Variants in UBE2D3 observed in about 807,000 individuals in gnomAD.
UBE2D3 encodes ubiquitin conjugating enzyme E2 D3.
A neutral mutation model predicts 22.8 loss-of-function variants in UBE2D3; 2 were observed. That is an observed-to-expected ratio of 0.09 (90% CI 0.04 to 0.28). The LOEUF is 0.28. Ranked by LOEUF, UBE2D3 falls within the 10% of genes least tolerant of loss-of-function variation. The probability of loss-of-function intolerance (pLI) is 1.00; values close to 1 mark genes in which losing one functional copy is unlikely to be tolerated. For missense variants in UBE2D3, 27 were observed against 182.5 expected, an observed-to-expected ratio of 0.15 and a Z score of 4.91; for synonymous variants, 56 against 60.4, an observed-to-expected ratio of 0.93 and a Z score of 0.34.
chr4:102,860,138 C>T (rs932803210), intron 1 of UBE2D3, among the ~76,000 whole-genome samples: 6 of 148,174 alleles, frequency 4.0e-5, no homozygotes, highest in South Asian at 2.1e-4. Context: ...TGAGCCACCG[C>T]GCCCAGCCAG....
At chr4:102,866,255 A>C (rs1300594361) in intron 1 of UBE2D3, among the ~76,000 whole-genome samples, 1 of 152,214 alleles carries the variant, frequency 6.6e-6, no homozygotes, top group Non-Finnish European at 1.5e-5. Context: ...AAGGCCTCCC[A>C]AAAAAGTTTT....
chr4:102,860,316 C>T (rs1732825856), intron 1 of UBE2D3, among the ~76,000 whole-genome samples: 1 of 149,334 alleles, frequency 6.7e-6, no homozygotes, highest in Non-Finnish European at 1.5e-5. Flanking sequence ...TTAATTTGTT[C>T]CTTTGGTTGT....
chr4:102,829,204 T>G (rs969938401), upstream of UBE2D3, among the ~76,000 whole-genome samples: 9 of 152,154 alleles, frequency 5.9e-5, no homozygotes, highest in Non-Finnish European at 8.8e-5. Context: ...AGAGCCTACA[T>G]TTCTAACTAG....
At chr4:102,843,295 G>A (rs1325253430) in intron 1 of UBE2D3, 1 of 151,314 alleles carries the variant, frequency 6.6e-6, no homozygotes, top group Non-Finnish European at 1.5e-5. Flanking sequence ...CCATGATTTT[G>A]TTTCATTTTT....
intron 4 of UBE2D3, chr4:102,809,211 TA>T: frequency 6.9e-6 from 2 of 289,418 alleles, no homozygotes; most frequent in South Asian, 2.7e-5. Flanking sequence ...ACTTTCTGCC[TA>T]AATATATTCA....
intron 2 of UBE2D3, among the ~76,000 whole-genome samples, chr4:102,822,849 T>C (rs907416823): frequency 3.4e-5 from 5 of 148,984 alleles, no homozygotes; most frequent in African/African-American, 5.0e-5. Context: ...GGCAGGAGAA[T>C]GGCGTGAACC....
intron 2 of UBE2D3, among the ~76,000 whole-genome samples, chr4:102,822,634 T>A (rs1035939776): frequency 6.6e-6 from 1 of 152,162 alleles, no homozygotes; most frequent in African/African-American, 2.4e-5. Context: ...ACATACATTA[T>A]AAAACAGGAA....
In UBE2D3 at chr4:102,853,141, T is replaced by C. The variant is rs1476437131; in HGVS notation, c.-129+15574A>G. Among the ~76,000 whole-genome samples, 14 of 113,210 alleles carry C rather than the reference T, an allele frequency of 1.2e-4. 1 individual carries two copies. In the East Asian group the frequency reaches 1.2e-3, roughly 10 times the overall value. 74.3% of individuals were successfully genotyped at this position (113,210 alleles called of 152,430 possible). On this transcript the variant is annotated intron_variant, in intron 1 of 7. Coordinates refer to the UBE2D3 transcript ENST00000338145. Reference sequence around the variant, plus strand: ...ATTACACACAAACACACACATTTTTTTTTTTTTTTTTTTTTTTTTGAGACG... The same window carrying C: ...ATTACACACAAACACACACATTTTTCTTTTTTTTTTTTTTTTTTTGAGACG...
rs1040758163 is a variant in UBE2D3 at position 102,796,500 on chromosome 4, A to G, written c.*915T>C. 6.6e-6 allele frequency: 1 copy of G among 152,520 alleles called. No homozygotes were observed. Among genetic ancestry groups the G allele is most frequent in the African/African-American group, 2.4e-5 (1 of 41,452 alleles). The allele number at this position is 152,520 out of a possible 1,614,324, so 9.4% of individuals were successfully genotyped here. On this transcript the variant is annotated 3_prime_UTR_variant, in exon 8 of 8. Transcript: ENST00000453744. Reference sequence around the variant, plus strand: ...TTACATCATCATTTGATGTCAAACAATGAAGCAAATCCCAACAGTATATAC... The same window carrying G: ...TTACATCATCATTTGATGTCAAACAGTGAAGCAAATCCCAACAGTATATAC...
At chr4:102,861,661 A>C (rs753293024) in intron 1 of UBE2D3, among the ~76,000 whole-genome samples, 1 of 152,014 alleles carries the variant, frequency 6.6e-6, no homozygotes, top group South Asian at 2.1e-4. Flanking sequence ...TATAGATTAC[A>C]GTAACCATGG....
chr4:102,848,892 G>T (rs1732186743), intron 1 of UBE2D3, among the ~76,000 whole-genome samples: 1 of 150,130 alleles, frequency 6.7e-6, no homozygotes, highest in African/African-American at 2.5e-5. Context: ...TAGGAACGAG[G>T]TTATTCCTCT....
intron 2 of UBE2D3, among the ~76,000 whole-genome samples, chr4:102,814,161 T>A (rs963290555): frequency 3.3e-5 from 5 of 152,094 alleles, no homozygotes; most frequent in Non-Finnish European, 7.3e-5. Context: ...ATATCGCAGT[T>A]CAACAATCTG....
upstream of UBE2D3, among the ~76,000 whole-genome samples, chr4:102,828,681 A>G (rs1329081595): frequency 1.3e-5 from 2 of 152,208 alleles, no homozygotes; most frequent in East Asian, 3.8e-4. Flanking sequence ...TGTTGAGACT[A>G]ATTAGTTAAT....
intron 2 of UBE2D3, among the ~76,000 whole-genome samples, chr4:102,815,839 A>T (rs1467239494): frequency 6.6e-6 from 1 of 152,254 alleles, no homozygotes; most frequent in Non-Finnish European, 1.5e-5. Context: ...TAAGTATTTT[A>T]ACAATCAAAA....
At chr4:102,827,640 A>G (rs223390), upstream of UBE2D3, 500,079 of 986,538 alleles carry the variant, frequency 0.51, 129,400 homozygotes, top group African/African-American at 0.78. Flanking sequence ...CCCGAGCACA[A>G]GACCGATGTG....
At chr4:102,841,017 TA>T (rs34074725) in intron 1 of UBE2D3, among the ~76,000 whole-genome samples, 2,503 of 140,276 alleles carry the variant, frequency 0.018, 24 homozygotes, top group South Asian at 0.024. Context: ...AAGACTCTTT[TA>T]AAAAAAAAAA....
intron 2 of UBE2D3, among the ~76,000 whole-genome samples, chr4:102,821,463 ACGTCTAATGCAG>A: frequency 6.6e-6 from 1 of 152,304 alleles, no homozygotes; most frequent in East Asian, 1.9e-4. Flanking sequence ...CTAGAATACT[ACGTCTAATGCAG>A]ATTAGGACCT....
At chr4:102,857,019 GCA>G (rs1732653148) in intron 1 of UBE2D3, among the ~76,000 whole-genome samples, 1 of 152,166 alleles carries the variant, frequency 6.6e-6, no homozygotes, top group Non-Finnish European at 1.5e-5. Context: ...GAACTATACA[GCA>G]CAGAGTGACC....
upstream of UBE2D3, chr4:102,827,974 C>G (rs1730853609): frequency 3.0e-6 from 3 of 985,424 alleles, no homozygotes; most frequent in Non-Finnish European, 3.6e-6. Context: ...CTCGCGAGAA[C>G]TTCGTGGCTG....
Sources: allele counts gnomAD v4.1 joint callset (sites outside exome capture counted in the v4.1 genomes callset), GRCh38; gene constraint gnomAD v4.1.1; transcripts MANE v1.5; gene names NCBI Gene and HGNC (gene_info 2026-07-23, HGNC 2026-07-21).